ERAP1: variants seen among roughly 807,000 people sequenced by gnomAD.
ERAP1 encodes endoplasmic reticulum aminopeptidase 1, also known as adipocyte-derived leucine aminopeptidase.
ERAP1 carries 86 observed loss-of-function variants against 103.7 expected under a neutral mutation model. That is an observed-to-expected ratio of 0.83 (90% CI 0.70 to 0.99). The LOEUF (loss-of-function observed/expected upper bound fraction) is 0.99, where lower values mean the gene tolerates loss of function less well. Ranked by LOEUF, ERAP1 falls within the 50% of genes least tolerant of loss-of-function variation. The pLI is 0.00. For synonymous variants in ERAP1, 398 were observed against 402.4 expected (o/e 0.99, Z 0.13); for missense variants, 1,009 against 1,128.4 (o/e 0.89, Z 1.52).
chr5:96,905,638 T>C, the ERAP1 span, among the ~76,000 whole-genome samples: 1 of 152,082 alleles, frequency 6.6e-6, no homozygotes, highest in Non-Finnish European at 1.5e-5. Context: ...AACCCTACCA[T>C]TTTGGGAGGC....
At chr5:96,881,517 G>T in the ERAP1 span, 2 of 454,954 alleles carry the variant, frequency 4.4e-6, no homozygotes, top group Non-Finnish European at 8.8e-6. Flanking sequence ...CTCACGTTAT[G>T]TGAATTGTGT....
chr5:96,902,263 C>G, the ERAP1 span: 1 of 1,572,612 alleles, frequency 6.4e-7, no homozygotes, highest in South Asian at 1.1e-5. Flanking sequence ...TATCTTTACT[C>G]TCTGTCATAG....
intron 7 of ERAP1, 24 bp downstream of exon 7, chr5:96,793,376 T>G: frequency 6.7e-7 from 1 of 1,496,028 alleles, no homozygotes. Context: ...TAACCTCAAA[T>G]GTGAAGGATA....
chr5:96,780,464 C>G lies in ERAP1; in HGVS notation c.2629G>C (p.Gly877Arg). ...CTTGTGGAGAATTGATTTGTTGTAC[C>G]CATTACCATGTGGGCTATGGAAGAT... ...GSSSIAHMVM[G>R]TTNQFSTRTR... Residue 877 changes from glycine (G) to arginine (R), a missense_variant, in exon 18 of 19, where the codon GGT (glycine) becomes CGT (arginine). Physicochemically the swap from Gly to Arg is moderately radical, Grantham distance 125. Around this residue, in one of 3 missense-constraint regions of ERAP1, gnomAD observed 611 missense variants for 651.7 expected, o/e 0.94. Transcript: ENST00000443439. 2 of 1,613,192 alleles carry G rather than the reference C, an allele frequency of 1.2e-6. No homozygotes were observed. Among genetic ancestry groups the G allele is most frequent in the Non-Finnish European group, 1.7e-6 (2 of 1,179,664 alleles).
At chr5:96,851,149 G>C in the ERAP1 span, among the ~76,000 whole-genome samples, 6,029 of 152,160 alleles carry the variant, frequency 0.04, 234 homozygotes, top group East Asian at 0.12. Context: ...ATTATATTAT[G>C]GTCTATGTTT....
intron 8 of ERAP1, among the ~76,000 whole-genome samples, chr5:96,791,466 T>G (rs776112225): frequency 6.4e-4 from 97 of 152,172 alleles, no homozygotes; most frequent in Admixed American, 8.5e-4. Flanking sequence ...AATAGAACAG[T>G]TGGGAATGGC....
chr5:96,901,188 G>T, the ERAP1 span, among the ~76,000 whole-genome samples: 153 of 147,236 alleles, frequency 1.0e-3, no homozygotes, highest in Admixed American at 1.9e-3. Context: ...TTGTTTGTTT[G>T]ATTTTGTTTG....
At chr5:96,904,213 G>A in the ERAP1 span, among the ~76,000 whole-genome samples, 2 of 152,288 alleles carry the variant, frequency 1.3e-5, no homozygotes, top group South Asian at 2.1e-4. Context: ...AGGACAAAGT[G>A]TTTTCTTTCT....
At chr5:96,809,696 T>A (rs772153886), upstream of ERAP1, among the ~76,000 whole-genome samples, 3 of 152,154 alleles carry the variant, frequency 2.0e-5, no homozygotes, top group Admixed American at 6.5e-5. Flanking sequence ...AATTTCTGCA[T>A]GTTCAGAATT....
chr5:96,895,525 T>C, the ERAP1 span, among the ~76,000 whole-genome samples: 3 of 152,152 alleles, frequency 2.0e-5, no homozygotes, highest in Non-Finnish European at 4.4e-5. Context: ...GGATGAAACA[T>C]TGAAGGTTTT....
At chr5:96,934,447 T>C in the ERAP1 span, 1 of 152,250 alleles carries the variant, frequency 6.6e-6, no homozygotes, top group South Asian at 2.1e-4. Context: ...CAATGATGGA[T>C]GGAACTTGGC....
At chr5:96,774,482 A>C, downstream of ERAP1, 1 of 984,768 alleles carries the variant, frequency 1.0e-6, no homozygotes, top group Non-Finnish European at 1.2e-6. Flanking sequence ...GCAAATATCC[A>C]CTTAGAGGCA....
chr5:96,795,083 T>C lies in ERAP1; in HGVS notation c.878A>G (p.Tyr293Cys), dbSNP rs1165483885. Residue 293 changes from tyrosine to cysteine, a missense_variant, in exon 5 of 19, where the codon TAT becomes TGT. Transcript: ENST00000443439. The part of the protein sequence containing the change: ...LDAAVTLLEF[Y>C]EDYFSIPYPL... Reference sequence around the variant, plus strand: ...ATACGGTATGCTGAAATAATCCTCATAAAATTCTAGAAGAGTCACCGCAGC... The same window carrying C: ...ATACGGTATGCTGAAATAATCCTCACAAAATTCTAGAAGAGTCACCGCAGC... The C allele has an allele frequency of 6.2e-7, 1 of 1,613,862 alleles. No individual in the cohort carries two copies. Among genetic ancestry groups the C allele is most frequent in the Non-Finnish European group, 8.5e-7 (1 of 1,179,980 alleles).
At chr5:96,851,187 A>G in the ERAP1 span, among the ~76,000 whole-genome samples, 3 of 152,202 alleles carry the variant, frequency 2.0e-5, no homozygotes, top group African/African-American at 7.2e-5. Context: ...AATTAAATTA[A>G]CTTTTCTTTT....
At chr5:96,845,424 A>G in the ERAP1 span, among the ~76,000 whole-genome samples, 11 of 152,046 alleles carry the variant, frequency 7.2e-5, no homozygotes, top group African/African-American at 2.7e-4. Flanking sequence ...TAGTAGAGAC[A>G]AGGTTTCACC....
the ERAP1 span, among the ~76,000 whole-genome samples, chr5:96,911,866 C>CAAACAAAAAA: frequency 1.8e-5 from 1 of 56,634 alleles, no homozygotes; most frequent in African/African-American, 6.8e-5. Flanking sequence ...GACCCTGTCT[C>CAAACAAAAAA]AAAAAAAAAA....
rs1776388304 is a variant in ERAP1, at chr5:96,788,760, G to A, written c.1525-75C>T. 3.9e-6 allele frequency: 6 copies of A among 1,558,026 alleles called. No individual in the cohort carries two copies. The South Asian group carries it at 5.8e-5, about 15-fold the overall frequency. ...AAGAAAAGAGAGAACACCAGCTTAT[G>A]CTCAAACAGCCGCTACCAGTTGCCA... On this transcript the variant is annotated intron_variant, in intron 10 of 18. Coordinates refer to ENST00000443439, the MANE Select transcript of ERAP1 (RefSeq NM_001040458.3).
At chr5:96,895,743 GA>G in the ERAP1 span, among the ~76,000 whole-genome samples, 15 of 152,320 alleles carry the variant, frequency 9.8e-5, no homozygotes, top group Admixed American at 7.8e-4. Context: ...TACTTTTCTA[GA>G]ATTTCCAAAG....
At chr5:96,897,934 C>T in the ERAP1 span, among the ~76,000 whole-genome samples, 19 of 152,186 alleles carry the variant, frequency 1.2e-4, no homozygotes, top group African/African-American at 2.2e-4. Context: ...CAATGGCTCA[C>T]GCCTGTAATC....
Sources: gnomAD v4.1 joint callset for allele counts (sites outside exome capture counted in the v4.1 genomes callset) on GRCh38, gnomAD v4.1.1 for gene constraint, gnomAD v4.1.1 regional missense constraint, MANE v1.5 for transcripts, NCBI Gene and HGNC (gene_info 2026-07-23, HGNC 2026-07-21) for gene names.